Variants in ABCB9 observed in about 807,000 individuals in gnomAD.
The protein encoded by ABCB9 is ATP binding cassette subfamily B member 9.
ABCB9 carries 36 observed loss-of-function variants against 62.0 expected under a neutral mutation model. That is an observed-to-expected ratio of 0.58 (90% confidence interval 0.45 to 0.77). The LOEUF is 0.77. Among genes scored for constraint, ABCB9 ranks in the 30% least tolerant of loss-of-function variants. The probability of loss-of-function intolerance (pLI) is 0.00; values close to 1 mark genes in which losing one functional copy is unlikely to be tolerated. For synonymous variants in ABCB9, 435 were observed against 461.4 expected (o/e 0.94, Z 0.73); for missense variants, 943 against 1,054.7 (o/e 0.89, Z 1.47).
intron 11 of ABCB9, among the ~76,000 whole-genome samples, chr12:122,923,400 G>GC (rs1451551973): frequency 1.2e-4 from 18 of 152,002 alleles, no homozygotes; most frequent in East Asian, 3.9e-4. Context: ...CCATTCTCCT[G>GC]CTCAGCCTCC....
chr12:122,923,695 C>G (rs570051429), intron 11 of ABCB9, among the ~76,000 whole-genome samples: 2 of 152,306 alleles, frequency 1.3e-5, no homozygotes, highest in African/African-American at 4.8e-5. Context: ...AAATACCACA[C>G]GTTTCCCACA....
chr12:122,956,345 A>G (rs1034405387), intron 2 of ABCB9, among the ~76,000 whole-genome samples: 1 of 152,174 alleles, frequency 6.6e-6, no homozygotes, highest in Admixed American at 6.5e-5. Flanking sequence ...CTAACCTCAC[A>G]CAGATGTTGA....
chr12:122,921,390 A>G (rs2034743318), intron 11 of ABCB9, among the ~76,000 whole-genome samples: 1 of 152,118 alleles, frequency 6.6e-6, no homozygotes, highest in Non-Finnish European at 1.5e-5. Context: ...ACTCCAGGCT[A>G]GGCAACAGAG....
intron 11 of ABCB9, chr12:122,921,148 G>C (rs2034736775): frequency 1.8e-6 from 2 of 1,138,786 alleles, no homozygotes; most frequent in Non-Finnish European, 2.5e-6. Context: ...GGCGTGATGG[G>C]GCACACCTGT....
intron 9 of ABCB9, among the ~76,000 whole-genome samples, chr12:122,938,192 C>T (rs1356506464): frequency 6.6e-6 from 1 of 152,182 alleles, no homozygotes; most frequent in African/African-American, 2.4e-5. Context: ...TTGTCCACAT[C>T]CCACACTGGT....
intron 1 of ABCB9, among the ~76,000 whole-genome samples, chr12:122,972,183 T>A (rs181657696): frequency 4.0e-4 from 61 of 151,884 alleles, no homozygotes; most frequent in African/African-American, 1.4e-3. Context: ...CAGCTGGGAC[T>A]ACAGACGCCA....
Position 122,929,248 on chromosome 12 carries a change from G to A in ABCB9, c.*663C>T. On this transcript the variant is annotated 3_prime_UTR_variant, in exon 12 of 12. Transcript: ENST00000280560. This position sits in a 1 kb window ranked among gnomAD's most constrained non-coding sequence, Gnocchi z 6.0. ...TGGGGGCACCCCTGAGGCCCCTCCAGACCTGGCCAGCCCCTCACTCCCCCA... is the reference window on the plus strand; with the variant it reads ...TGGGGGCACCCCTGAGGCCCCTCCAAACCTGGCCAGCCCCTCACTCCCCCA... The A allele has an allele frequency of 1.0e-6, 1 of 986,034 alleles. No homozygotes were observed. The highest frequency in any genetic ancestry group is 1.2e-6 in the Non-Finnish European group (1 of 830,074). The allele number at this position is 986,034 out of a possible 1,614,324, so 61.1% of individuals were successfully genotyped here.
rs2036114363 is a variant in ABCB9 at position 122,947,613 on chromosome 12, C to G, written c.1053+1011G>C. 2 of 307,884 alleles carry G rather than the reference C, an allele frequency of 6.5e-6. No homozygotes were observed. Among genetic ancestry groups the G allele is most frequent in the African/African-American group, 2.2e-5 (1 of 46,278 alleles). The allele number at this position is 307,884 out of a possible 1,614,324, so 19.1% of individuals were successfully genotyped here. ...GCCTGTCTGAACCCAGCCTGTCTGT[C>G]CCTTAGGGCTCGGGGGCACCCGCCC... On this transcript the variant is annotated intron_variant, in intron 5 of 11. Coordinates refer to ENST00000280560, the MANE Select transcript of ABCB9 (RefSeq NM_019625.4). The surrounding 1 kb of genome is among the most constrained non-coding windows in gnomAD (Gnocchi z 6.0).
upstream of ABCB9, among the ~76,000 whole-genome samples, chr12:122,966,773 G>C (rs2037195367): frequency 1.3e-5 from 2 of 152,170 alleles, 1 homozygote; most frequent in Non-Finnish European, 2.9e-5. Flanking sequence ...CATCCTGAGG[G>C]GACGGAAATG....
chr12:122,954,205 T>C (rs960947693), intron 2 of ABCB9, among the ~76,000 whole-genome samples: 11 of 151,864 alleles, frequency 7.2e-5, no homozygotes, highest in African/African-American at 2.7e-4. Flanking sequence ...TTGTTTTTTA[T>C]GTATTTTTTT....
intron 6 of ABCB9, 40 bp downstream of exon 6, chr12:122,945,985 A>G (rs780381241): frequency 1.1e-5 from 18 of 1,602,956 alleles, no homozygotes; most frequent in Non-Finnish European, 1.5e-5. Context: ...TTTGCATCCC[A>G]TCCCTCCACA....
chr12:122,966,847 C>G (rs573382035), upstream of ABCB9, among the ~76,000 whole-genome samples: 1 of 152,356 alleles, frequency 6.6e-6, no homozygotes, highest in South Asian at 2.1e-4. Flanking sequence ...GCCAGCCAGT[C>G]CAGGAGGGTG....
rs886443382 is a variant in ABCB9 at position 122,931,984 on chromosome 12, T to C, written c.2040+208A>G. 6 of 843,522 alleles carry C rather than the reference T, an allele frequency of 7.1e-6. No individual in the cohort carries two copies. In the African/African-American group the frequency reaches 8.5e-5, roughly 12 times the overall value. The allele number at this position is 843,522 out of a possible 1,614,324, so 52.3% of individuals were successfully genotyped here. ...TGATGCCTTCTCTTGCCCCACACCA[T>C]ACAGCTCTGCCTGGAGCCTGGAGGC... On this transcript the variant is annotated intron_variant, in intron 11 of 11. Transcript: ENST00000280560.
chr12:122,950,997 A>G (rs921916177), intron 2 of ABCB9: 2 of 148,296 alleles, frequency 1.3e-5, no homozygotes, highest in African/African-American at 4.9e-5. Context: ...ATGTGCCACC[A>G]TGCCAGGCTA....
rs1213367628 is a variant in ABCB9, at chr12:122,929,098, A to G, written c.*813T>C. 4.1e-6 allele frequency: 4 copies of G among 985,242 alleles called. No individual in the cohort carries two copies. Among genetic ancestry groups the G allele is most frequent in the Non-Finnish European group, 4.8e-6 (4 of 829,802 alleles). 61.0% of individuals were successfully genotyped at this position (985,242 alleles called of 1,614,324 possible). ...TGCCACCATCCCATCCACCAAAGACAGAAGAGAATGCATCTCATGAACATC... is the reference window on the plus strand; with the variant it reads ...TGCCACCATCCCATCCACCAAAGACGGAAGAGAATGCATCTCATGAACATC... On this transcript the variant is annotated 3_prime_UTR_variant, in exon 12 of 12. Transcript: ENST00000280560. The surrounding 1 kb of genome is among the most constrained non-coding windows in gnomAD (Gnocchi z 6.0).
chr12:122,945,747 G>A (rs944494992), intron 6 of ABCB9, among the ~76,000 whole-genome samples: 2 of 151,928 alleles, frequency 1.3e-5, no homozygotes, highest in African/African-American at 4.8e-5. Context: ...GCATGGTGGC[G>A]GGCGCCTGTG....
intron 11 of ABCB9, among the ~76,000 whole-genome samples, chr12:122,923,453 ATTT>A (rs967742061): frequency 5.3e-5 from 8 of 150,950 alleles, no homozygotes; most frequent in South Asian, 2.1e-4. Flanking sequence ...CGCCCGGCTA[ATTT>A]TTTTTTGTAT....
At chr12:122,973,609 A>AAAAAAAAC (rs762311490) in intron 1 of ABCB9, among the ~76,000 whole-genome samples, 9 of 88,802 alleles carry the variant, frequency 1.0e-4, no homozygotes, top group Non-Finnish European at 1.6e-4. Context: ...AAAAAAAAAA[A>AAAAAAAAC]CAAAAACTTT....
chr12:122,939,822 A>T, intron 9 of ABCB9: 1 of 292,480 alleles, frequency 3.4e-6, no homozygotes, highest in East Asian at 7.2e-5. Context: ...GTGGGCCATC[A>T]CATCTGCCCT....
Sources: gnomAD v4.1 joint callset for allele counts (sites outside exome capture counted in the v4.1 genomes callset) on GRCh38, gnomAD v4.1.1 for gene constraint, Gnocchi (gnomAD v3.1) non-coding constraint, MANE v1.5 for transcripts, NCBI Gene and HGNC (gene_info 2026-07-23, HGNC 2026-07-21) for gene names.